Variants in DPP4 observed in about 807,000 individuals in gnomAD.
The protein encoded by DPP4 is ADCP-2.
In DPP4, 93 loss-of-function variants were observed where a neutral mutation model predicts 122.4. The observed-to-expected ratio is 0.76, with a 90% CI of 0.64 to 0.90. The LOEUF is 0.90. DPP4 is among the 40% of genes least tolerant of loss of function. The pLI, the probability that DPP4 is intolerant of heterozygous loss-of-function variation, is 0.00. For missense variants in DPP4, 914 were observed against 907.3 expected (o/e 1.01, Z -0.09); for synonymous variants, 321 against 302.9 (o/e 1.06, Z -0.62).
At position 162,030,739 on chromosome 2, in the gene DPP4, G is replaced by A. The variant is rs139284882; in HGVS notation, c.887+2802C>T. On this transcript the variant is annotated intron_variant, in intron 10 of 25. Coordinates refer to ENST00000360534, the MANE Select transcript of DPP4 (RefSeq NM_001935.4). The stretch of plus-strand genomic sequence containing the variant: ...CAGAGACCAGAGCTATATTTTAACC[G>A]CAACCTTACCAGCGTTAACAGAGAC... Among the ~76,000 whole-genome samples the A allele has an allele frequency of 5.3e-5, 8 of 152,096 alleles. 1 individual carries two copies. Among genetic ancestry groups the A allele is most frequent in the African/African-American group, 1.2e-4 (5 of 41,496 alleles).
At chr2:162,037,477 T>C (rs972465862) in intron 8 of DPP4, among the ~76,000 whole-genome samples, 6 of 152,218 alleles carry the variant, frequency 3.9e-5, no homozygotes, top group African/African-American at 1.4e-4. Flanking sequence ...CAACTAAACT[T>C]GACTTGGACT....
intron 10 of DPP4, among the ~76,000 whole-genome samples, chr2:162,026,538 T>G (rs143637918): frequency 1.3e-5 from 2 of 152,302 alleles, no homozygotes; most frequent in African/African-American, 2.4e-5. Context: ...GCTGCCAAGC[T>G]CTAACTTCCT....
intron 12 of DPP4, 60 bp from the exon 13 acceptor site, chr2:162,020,748 T>C: frequency 7.7e-7 from 1 of 1,304,930 alleles, no homozygotes; most frequent in Non-Finnish European, 1.1e-6. Flanking sequence ...CAGTACCAAC[T>C]TTAGTTTTAG....
rs1682720811 is a variant in DPP4, at chr2:162,011,983, C to A, written c.1642G>T (p.Ala548Ser). The A allele has an allele frequency of 1.2e-6, 2 of 1,610,636 alleles. No homozygotes were observed. Among genetic ancestry groups the A allele is most frequent in the African/African-American group, 2.7e-5 (2 of 74,720 alleles). ...KKYPLLLDVY[A>S]GPCSQKADTV... ...TCTGCTTTTTGACTACATGGGCCTG[C>A]ATACCTATGAAAAATACCAAATTGT... Residue 548 changes from alanine to serine, a missense_variant, in exon 20 of 26, where the codon GCA (alanine) becomes TCA (serine). Transcript: ENST00000360534.
At chr2:162,013,437 C>A (rs1352817408) in intron 19 of DPP4, among the ~76,000 whole-genome samples, 2 of 151,966 alleles carry the variant, frequency 1.3e-5, no homozygotes, top group East Asian at 3.9e-4. Context: ...TTTCTTTGTG[C>A]TTTTATGTGT....
Position 162,024,896 on chromosome 2 carries a change from T to C in DPP4, c.931A>G (p.Ile311Val), listed in dbSNP as rs200137356. 49 of 1,613,776 alleles carry C rather than the reference T, an allele frequency of 3.0e-5. No homozygotes were observed. The highest frequency in any genetic ancestry group is 4.0e-5 in the Non-Finnish European group (47 of 1,180,030). The change falls in exon 11 of 26, where the codon ATT (isoleucine) becomes GTT (valine). Residue 311 changes from isoleucine to valine, a missense_variant. Physicochemically the swap from Ile to Val is conservative, Grantham distance 29. Coordinates refer to ENST00000360534, the MANE Select transcript of DPP4 (RefSeq NM_001935.4). ...CDVTWATQER[I>V]SLQWLRRIQN... ...ATCCTCCTGAGCCACTGCAAAGAAA[T>C]TCTTTCTTGTGTTGCCCATGTCACA...
intron 2 of DPP4, among the ~76,000 whole-genome samples, chr2:162,052,596 C>T (rs1355127111): frequency 6.6e-6 from 1 of 152,002 alleles, no homozygotes; most frequent in African/African-American, 2.4e-5. Context: ...GAAATTGGTA[C>T]CAGAGAAATG....
chr2:162,043,996 C>G (rs923908763), intron 5 of DPP4, among the ~76,000 whole-genome samples: 1 of 152,128 alleles, frequency 6.6e-6, no homozygotes, highest in Non-Finnish European at 1.5e-5. Context: ...CCACTGCACT[C>G]TAGCCTGGGT....
chr2:162,012,802 C>CCTCCCCAGGG, intron 19 of DPP4, among the ~76,000 whole-genome samples: 1 of 152,144 alleles, frequency 6.6e-6, no homozygotes, highest in African/African-American at 2.4e-5. Flanking sequence ...GGATACTCTC[C>CCTCCCCAGGG]AATAACTTAT....
intron 2 of DPP4, among the ~76,000 whole-genome samples, chr2:162,071,840 C>T (rs949878252): frequency 6.6e-6 from 1 of 152,196 alleles, no homozygotes; most frequent in Non-Finnish European, 1.5e-5. Context: ...TGCAGCAAGC[C>T]TCAGATCCCT....
At chr2:162,050,695 A>G (rs924416416) in intron 2 of DPP4, among the ~76,000 whole-genome samples, 3 of 152,240 alleles carry the variant, frequency 2.0e-5, no homozygotes, top group African/African-American at 7.2e-5. Context: ...TAGCCTTGCC[A>G]TTTGATAAGC....
intron 2 of DPP4, among the ~76,000 whole-genome samples, chr2:162,066,824 A>G (rs1684961776): frequency 6.6e-6 from 1 of 152,206 alleles, no homozygotes; most frequent in African/African-American, 2.4e-5. Context: ...AGAAAGCAAG[A>G]AAGAGGGAGG....
Position 161,993,199 on chromosome 2 carries a change from T to A in DPP4, c.*84A>T, listed in dbSNP as rs1576027558. ...ATTTGAGTGTGTATTTTAAAGATCA[T>A]CATCATCTTGACAGTGCAGTTTTGA... On this transcript the variant is annotated 3_prime_UTR_variant, in exon 26 of 26. Transcript: ENST00000360534. 9.4e-7 allele frequency: 1 copy of A among 1,066,892 alleles called. No homozygotes were observed. Among genetic ancestry groups the A allele is most frequent in the East Asian group, 2.4e-5 (1 of 41,908 alleles). 66.1% of individuals were successfully genotyped at this position (1,066,892 alleles called of 1,614,324 possible). A position where few individuals can be genotyped will look rare whatever the true frequency, so the allele number is the denominator to read the frequency against.
chr2:162,021,957 G>T (rs1683146603), intron 12 of DPP4, among the ~76,000 whole-genome samples: 1 of 152,062 alleles, frequency 6.6e-6, no homozygotes, highest in South Asian at 2.1e-4. Flanking sequence ...TTGTCTTCTT[G>T]GACTGGGGAC....
At chr2:162,039,211 C>T (rs1362264005) in intron 5 of DPP4, 27 bp from the exon 6 acceptor site, 2 of 1,607,572 alleles carry the variant, frequency 1.2e-6, no homozygotes, top group African/African-American at 1.3e-5. Context: ...ACATTTCAGG[C>T]TTCTGTGATA....
chr2:162,047,377 T>C, intron 3 of DPP4, 26 bp downstream of exon 3: 3 of 1,388,454 alleles, frequency 2.2e-6, no homozygotes, highest in Non-Finnish European at 3.0e-6. Flanking sequence ...AAGCATAAAA[T>C]CTGCCCTACC....
chr2:162,015,472 A>C lies in DPP4; in HGVS notation c.1568-1007T>G, dbSNP rs73971533. Among the ~76,000 whole-genome samples, 303 of 151,980 alleles carry C rather than the reference A, an allele frequency of 2.0e-3. 2 individuals are homozygous for C. Among genetic ancestry groups the C allele is most frequent in the African/African-American group, 7.2e-3 (296 of 41,218 alleles). Reference sequence around the variant, plus strand: ...ACTATCAGTTGACCATGATATTTTTAATGAATATGCAAAACCCATCATTTG... The same window carrying C: ...ACTATCAGTTGACCATGATATTTTTCATGAATATGCAAAACCCATCATTTG... On this transcript the variant is annotated intron_variant, in intron 18 of 25. Transcript: ENST00000360534.
At chr2:162,066,999 G>A (rs1051529840) in intron 2 of DPP4, among the ~76,000 whole-genome samples, 3 of 28,738 alleles carry the variant, frequency 1.0e-4, no homozygotes, top group Admixed American at 2.1e-4. Context: ...GGACAAATAC[G>A]CAATCATAGC....
chr2:162,053,988 T>C (rs1055689990), intron 2 of DPP4, among the ~76,000 whole-genome samples: 15 of 151,194 alleles, frequency 9.9e-5, no homozygotes, highest in African/African-American at 3.4e-4. Context: ...CTTCAACCCA[T>C]GAGAGCTGCA....
Sources: gnomAD v4.1 joint callset for allele counts (sites outside exome capture counted in the v4.1 genomes callset) on GRCh38, gnomAD v4.1.1 for gene constraint, MANE v1.5 for transcripts, NCBI Gene and HGNC (gene_info 2026-07-23, HGNC 2026-07-21) for gene names.